The following LIFR variants were observed in gnomAD, a reference collection of about 807,000 sequenced individuals.
The protein encoded by LIFR is leukemia inhibitory factor receptor.
LIFR carries 84 observed loss-of-function variants against 122.2 expected under a neutral mutation model. The ratio of observed to expected loss-of-function variants is 0.69; its 90% CI spans 0.58 to 0.82. LIFR has a LOEUF of 0.82. LIFR is among the 40% of genes least tolerant of loss of function. The pLI is 0.00. For missense variants in LIFR, 1,294 were observed against 1,311.6 expected (o/e 0.99, Z 0.21); for synonymous variants, 422 against 434.7 (o/e 0.97, Z 0.36).
Position 38,499,520 on chromosome 5 carries a change from T to C in LIFR, c.1664A>G (p.Tyr555Cys), listed in dbSNP as rs775877783. 3 of 1,590,796 alleles carry C rather than the reference T, an allele frequency of 1.9e-6. No individual in the cohort carries two copies. Among genetic ancestry groups the C allele is most frequent in the Non-Finnish European group, 2.6e-6 (3 of 1,158,768 alleles). The change falls in exon 12 of 20, where the codon TAT (tyrosine) becomes TGT (cysteine). Residue 555 changes from tyrosine to cysteine, a missense_variant. By Grantham distance (194) the Tyr-to-Cys change is radical. Transcript: ENST00000453190. ...GAAAAATTAGATATTTACCTTCCAA[T>C]AGATTATTAAATTTTTTCCATCAGA... ...WSSDGKNLII[Y>C]WKPLPINEAN...
chr5:38,567,824 G>A (rs1463081055), intron 1 of LIFR, among the ~76,000 whole-genome samples: 1 of 151,934 alleles, frequency 6.6e-6, no homozygotes, highest in Non-Finnish European at 1.5e-5. Context: ...CCACCACCTG[G>A]CCCAACCATT....
At chr5:38,586,328 T>G (rs142257508) in intron 1 of LIFR, among the ~76,000 whole-genome samples, 65 of 152,320 alleles carry the variant, frequency 4.3e-4, no homozygotes, top group African/African-American at 1.5e-3. Context: ...GTTTATAACT[T>G]AAGAGACCTG....
Position 38,503,584 on chromosome 5 carries a change from G to C in LIFR, c.1437+392C>G, listed in dbSNP as rs1317139706. 2.6e-5 allele frequency among the ~76,000 whole-genome samples: 4 copies of C among 152,166 alleles called. No homozygotes were observed. In the East Asian group the frequency reaches 7.7e-4, roughly 29 times the overall value. ...TATTTAAAATGTATTAAAAAGTCAT[G>C]TTGTGACTTTTAAGTACCAATTACA... is the stretch of plus-strand genomic sequence containing the variant. On this transcript the variant is annotated intron_variant, in intron 10 of 19. Transcript: ENST00000453190.
intron 1 of LIFR, among the ~76,000 whole-genome samples, chr5:38,569,968 A>G (rs1444412919): frequency 6.6e-6 from 1 of 152,088 alleles, no homozygotes; most frequent in African/African-American, 2.4e-5. Flanking sequence ...ACTCCCGATA[A>G]GTGTTAGTTG....
intron 5 of LIFR, among the ~76,000 whole-genome samples, chr5:38,521,636 T>C (rs866248112): frequency 4.6e-5 from 7 of 152,282 alleles, no homozygotes; most frequent in African/African-American, 1.7e-4. Context: ...TTGAGAGTGG[T>C]GGGCTGGGTA....
At chr5:38,483,808 T>C (rs146631254) in intron 18 of LIFR, among the ~76,000 whole-genome samples, 3 of 152,342 alleles carry the variant, frequency 2.0e-5, no homozygotes, top group East Asian at 1.9e-4. Flanking sequence ...TCTACAACTA[T>C]TACTATTTTG....
rs192486301 is a variant in LIFR, at chr5:38,591,676, A to G, written c.-20+3585T>C. Among the ~76,000 whole-genome samples the G allele has an allele frequency of 1.2e-4, 18 of 152,266 alleles. 1 individual carries two copies. The East Asian group carries it at 3.5e-3, about 29-fold the overall frequency. ...TGGTCAGGCCCAGTGACTCACTCTA[A>G]ACTGAGTTTTGTTGTTTCTTAAAAT... On this transcript the variant is annotated intron_variant, in intron 1 of 19. Coordinates refer to the LIFR transcript ENST00000263409.
intron 1 of LIFR, among the ~76,000 whole-genome samples, chr5:38,589,060 C>T (rs946648835): frequency 1.7e-4 from 25 of 149,674 alleles, no homozygotes; most frequent in African/African-American, 2.7e-4. Context: ...TGCAGTGGCG[C>T]GATCTTGGCT....
intron 1 of LIFR, among the ~76,000 whole-genome samples, chr5:38,548,954 G>A (rs1466343984): frequency 1.3e-5 from 2 of 152,066 alleles, no homozygotes; most frequent in Non-Finnish European, 2.9e-5. Context: ...TCAGATCAGT[G>A]AGATCAAGGT....
At chr5:38,486,106 T>C (rs897918895) in intron 16 of LIFR, 126 bp from the exon 17 acceptor site, 1 of 807,818 alleles carries the variant, frequency 1.2e-6, no homozygotes, top group Non-Finnish European at 2.1e-6. Context: ...CCAAGGACTC[T>C]GGAGCTGCCA....
intron 1 of LIFR, among the ~76,000 whole-genome samples, chr5:38,568,216 T>G (rs916271056): frequency 2.0e-5 from 3 of 152,112 alleles, no homozygotes; most frequent in African/African-American, 7.2e-5. Flanking sequence ...TTGAAATAAG[T>G]GCTTTGGAAA....
intron 5 of LIFR, among the ~76,000 whole-genome samples, chr5:38,521,398 T>C (rs558698531): frequency 1.2e-4 from 19 of 152,320 alleles, no homozygotes; most frequent in Admixed American, 2.6e-4. Flanking sequence ...CTTTCCCAAT[T>C]TGGATCCCTT....
chr5:38,494,804 A>T (rs1163525158), intron 13 of LIFR, among the ~76,000 whole-genome samples: 1 of 152,206 alleles, frequency 6.6e-6, no homozygotes, highest in Non-Finnish European at 1.5e-5. Context: ...GACGGGATGC[A>T]GCCATGGGAG....
intron 1 of LIFR, among the ~76,000 whole-genome samples, chr5:38,567,208 T>C (rs564207825): frequency 1.3e-5 from 2 of 152,284 alleles, no homozygotes; most frequent in East Asian, 3.9e-4. Flanking sequence ...CTACTTTCCA[T>C]GTGGTCTGTT....
chr5:38,506,161 A>T, intron 8 of LIFR, 87 bp from the exon 9 acceptor site: 1 of 852,058 alleles, frequency 1.2e-6, no homozygotes, highest in Admixed American at 2.5e-5. Flanking sequence ...CTTAATTTGT[A>T]TAAAAAGTTT....
chr5:38,574,546 A>T (rs2112723442), intron 1 of LIFR, among the ~76,000 whole-genome samples: 1 of 152,304 alleles, frequency 6.6e-6, no homozygotes, highest in African/African-American at 2.4e-5. Context: ...TTGTTGAATG[A>T]ATGAATTTAA....
chr5:38,506,568 A>G lies in LIFR; in HGVS notation c.1056T>C (p.Ser352=), dbSNP rs1745496511. ...ACGCTGTCACCCTTCCTGGATTCCA[A>G]CTACATATAATTTCTTTTAAATCAT... ...ETHDLKEIIC[S]WNPGRVTALV... The change falls in exon 8 of 20, where the codon AGT becomes AGC. Residue 352 remains serine (S), a synonymous_variant. Transcript: ENST00000453190. 1.9e-6 allele frequency: 3 copies of G among 1,613,752 alleles called. No homozygotes were observed. The highest frequency in any genetic ancestry group is 1.7e-6 in the Non-Finnish European group (2 of 1,179,684).
At chr5:38,526,780 G>A (rs147202201) in intron 4 of LIFR, among the ~76,000 whole-genome samples, 5 of 152,036 alleles carry the variant, frequency 3.3e-5, no homozygotes, top group Admixed American at 2.0e-4. Flanking sequence ...ACTATTAATC[G>A]ACTGAGTCTC....
At position 38,510,654 on chromosome 5, in the gene LIFR, T is replaced by C. The variant is rs779015179; in HGVS notation, c.801A>G (p.Ile267Met). 6 of 1,613,770 alleles carry C rather than the reference T, an allele frequency of 3.7e-6. No homozygotes were observed. In the South Asian group the frequency reaches 4.4e-5, roughly 12 times the overall value. The change falls in exon 7 of 20, where the codon ATA becomes ATG. Residue 267 changes from isoleucine to methionine, a missense_variant. Coordinates refer to ENST00000453190, the MANE Select transcript of LIFR (RefSeq NM_001127671.2). ...TTTCTTGACTCACACAACAAAATGTTATGTCTGAGCCTACAAGTATCACTT... is the reference window on the plus strand; with the variant it reads ...TTTCTTGACTCACACAACAAAATGTCATGTCTGAGCCTACAAGTATCACTT... ...QDKVILVGSD[I>M]TFCCVSQEKV...
Sources: gnomAD v4.1 joint callset for allele counts (sites outside exome capture counted in the v4.1 genomes callset) on GRCh38, gnomAD v4.1.1 for gene constraint, MANE v1.5 for transcripts, NCBI Gene and HGNC (gene_info 2026-07-23, HGNC 2026-07-21) for gene names.